The following SCFD2 variants were observed in gnomAD, a reference collection of about 807,000 sequenced individuals.
SCFD2 encodes the protein sec1 family domain-containing protein 2.
A neutral mutation model predicts 58.9 loss-of-function variants in SCFD2; 54 were observed. That is an observed-to-expected ratio of 0.92 (90% CI 0.74 to 1.15). SCFD2 has a LOEUF of 1.15. Among genes scored for constraint, SCFD2 ranks in the 50% most tolerant of loss-of-function variants. The pLI is 0.00. For missense variants in SCFD2, 805 were observed against 836.6 expected (o/e 0.96, Z 0.47); for synonymous variants, 321 against 335.9 (o/e 0.96, Z 0.49).
chr4:52,916,654 G>A (rs918183281), intron 6 of SCFD2, among the ~76,000 whole-genome samples: 1 of 152,164 alleles, frequency 6.6e-6, no homozygotes, highest in Admixed American at 6.5e-5. Context: ...CAACAGAAGC[G>A]AGCAACAAAC....
At chr4:52,897,170 C>T (rs898360650) in intron 7 of SCFD2, among the ~76,000 whole-genome samples, 1 of 152,168 alleles carries the variant, frequency 6.6e-6, no homozygotes, top group African/African-American at 2.4e-5. Context: ...CCTGATTGCC[C>T]TGGCCAGAAC....
intron 3 of SCFD2, among the ~76,000 whole-genome samples, chr4:53,277,315 C>T (rs529902101): frequency 6.6e-6 from 1 of 152,120 alleles, no homozygotes; most frequent in Non-Finnish European, 1.5e-5. Context: ...TATGTAAGAA[C>T]AAATTTTCAC....
In SCFD2 at chr4:53,092,635, G is replaced by A. The variant is rs1182612775; in HGVS notation, c.1561+52698C>T. 4.6e-5 allele frequency among the ~76,000 whole-genome samples: 7 copies of A among 151,994 alleles called. No individual in the cohort carries two copies. In the East Asian group the frequency reaches 1.3e-3, roughly 29 times the overall value. On this transcript the variant is annotated intron_variant, in intron 5 of 8. Coordinates refer to ENST00000401642, the MANE Select transcript of SCFD2 (RefSeq NM_152540.4). ...AATATAAAGGAACTGATTGATATAT[G>A]ATATAAAAAGAACTATGGATATATG...
intron 5 of SCFD2, among the ~76,000 whole-genome samples, chr4:53,010,440 T>G (rs1297033198): frequency 6.6e-6 from 1 of 152,230 alleles, no homozygotes; most frequent in Non-Finnish European, 1.5e-5. Flanking sequence ...AGGTTTGTGC[T>G]TTTAGAGGCA....
chr4:53,256,758 G>A (rs903943326), intron 4 of SCFD2, among the ~76,000 whole-genome samples: 42 of 151,830 alleles, frequency 2.8e-4, no homozygotes, highest in Non-Finnish European at 4.1e-4. Context: ...GCAGGCACTC[G>A]GCAGGCTGAG....
intron 3 of SCFD2, among the ~76,000 whole-genome samples, chr4:53,310,883 A>G (rs1577957340): frequency 6.6e-6 from 1 of 152,222 alleles, no homozygotes; most frequent in East Asian, 1.9e-4. Flanking sequence ...TGAGTCTATA[A>G]TTAAAATCTG....
intron 5 of SCFD2, among the ~76,000 whole-genome samples, chr4:53,051,213 G>A (rs1286136291): frequency 6.6e-6 from 1 of 152,186 alleles, no homozygotes; most frequent in Non-Finnish European, 1.5e-5. Flanking sequence ...ACAAAGGTTT[G>A]AGAACATCTT....
At chr4:53,011,243 G>A (rs796782949) in intron 5 of SCFD2, among the ~76,000 whole-genome samples, 34 of 152,178 alleles carry the variant, frequency 2.2e-4, no homozygotes, top group African/African-American at 7.2e-4. Context: ...GAATTTCACT[G>A]CATCTTTGCT....
At chr4:53,119,709 A>T (rs1242221074) in intron 5 of SCFD2, among the ~76,000 whole-genome samples, 1 of 152,138 alleles carries the variant, frequency 6.6e-6, no homozygotes, top group Non-Finnish European at 1.5e-5. Flanking sequence ...GAACTTTCCA[A>T]ACCCCTGAAG....
intron 3 of SCFD2, among the ~76,000 whole-genome samples, chr4:53,277,654 G>C (rs1731367497): frequency 6.6e-6 from 1 of 152,180 alleles, no homozygotes; most frequent in Admixed American, 6.5e-5. Flanking sequence ...GTTTTAGAGA[G>C]ACTCCAGGAA....
chr4:53,193,712 TGAA>T (rs1360314926), intron 4 of SCFD2, among the ~76,000 whole-genome samples: 6 of 152,212 alleles, frequency 3.9e-5, no homozygotes, highest in African/African-American at 1.4e-4. Context: ...ATGGAGTACA[TGAA>T]GAAATATTTT....
In SCFD2 at chr4:53,346,896, T is replaced by C. The variant is rs1240087824; in HGVS notation, c.1007+5702A>G. On this transcript the variant is annotated intron_variant, in intron 2 of 8. Coordinates refer to ENST00000401642, the MANE Select transcript of SCFD2 (RefSeq NM_152540.4). ...CTAGCTTAAGAAGGAAATCATGTTT[T>C]TATTTAAGCCCAATGTCTATTTATT... Among the ~76,000 whole-genome samples the C allele has an allele frequency of 2.0e-5, 3 of 152,342 alleles. No homozygotes were observed. The East Asian group carries it at 5.8e-4, about 29-fold the overall frequency.
chr4:53,299,033 A>G (rs1732162606), intron 3 of SCFD2, among the ~76,000 whole-genome samples: 1 of 152,222 alleles, frequency 6.6e-6, no homozygotes. Context: ...TAAAAATCAG[A>G]GCGCTTCTAC....
At chr4:53,067,275 C>T (rs188273696) in intron 5 of SCFD2, among the ~76,000 whole-genome samples, 35 of 152,042 alleles carry the variant, frequency 2.3e-4, no homozygotes, top group Admixed American at 3.9e-4. Flanking sequence ...TGCCTGTACT[C>T]ATTTCAAACA....
At chr4:52,906,842 T>A (rs1719359670) in intron 7 of SCFD2, among the ~76,000 whole-genome samples, 1 of 152,250 alleles carries the variant, frequency 6.6e-6, no homozygotes, top group Non-Finnish European at 1.5e-5. Flanking sequence ...GTAATCTTAT[T>A]GAAATCTTTT....
chr4:53,153,265 G>A (rs1726567102), intron 4 of SCFD2, among the ~76,000 whole-genome samples: 1 of 152,216 alleles, frequency 6.6e-6, no homozygotes, highest in South Asian at 2.1e-4. Context: ...GGGCATCCAG[G>A]CTTTCCAATA....
At position 53,104,465 on chromosome 4, in the gene SCFD2, C is replaced by T. The variant is rs143069719; in HGVS notation, c.1561+40868G>A. ...CATAACCAAGAGAAGCCAAAGGTGACGTGATGAGTAAATGTAATATGGCAC... is the reference window on the plus strand; with the variant it reads ...CATAACCAAGAGAAGCCAAAGGTGATGTGATGAGTAAATGTAATATGGCAC... On this transcript the variant is annotated intron_variant, in intron 5 of 8. Coordinates refer to ENST00000401642, the MANE Select transcript of SCFD2 (RefSeq NM_152540.4). Among the ~76,000 whole-genome samples, 229 of 152,184 alleles carry T rather than the reference C, an allele frequency of 1.5e-3. 1 individual carries two copies. Among genetic ancestry groups the T allele is most frequent in the African/African-American group, 5.3e-3 (221 of 41,528 alleles).
intron 4 of SCFD2, among the ~76,000 whole-genome samples, chr4:53,182,013 A>C (rs1013318644): frequency 1.3e-5 from 2 of 152,246 alleles, no homozygotes; most frequent in African/African-American, 4.8e-5. Context: ...GGATACAAAC[A>C]AATGGAAGAA....
At chr4:53,037,282 A>G (rs1722788218) in intron 5 of SCFD2, among the ~76,000 whole-genome samples, 1 of 152,184 alleles carries the variant, frequency 6.6e-6, no homozygotes, top group South Asian at 2.1e-4. Flanking sequence ...ATTCCATTTT[A>G]AGGACTATAT....
Sources: allele counts gnomAD v4.1 joint callset (sites outside exome capture counted in the v4.1 genomes callset), GRCh38; gene constraint gnomAD v4.1.1; transcripts MANE v1.5; gene names NCBI Gene and HGNC (gene_info 2026-07-23, HGNC 2026-07-21).